The following CTNND2 variants were observed in gnomAD, a reference collection of about 807,000 sequenced individuals.
CTNND2 encodes the protein catenin delta-2.
Under a neutral mutation model 144.4 loss-of-function variants are expected in CTNND2, and 22 were observed. The ratio of observed to expected loss-of-function variants is 0.15; its 90% CI spans 0.11 to 0.22. The LOEUF (loss-of-function observed/expected upper bound fraction) is 0.22. CTNND2 is among the 10% of genes least tolerant of loss of function. The pLI is 1.00. For missense variants in CTNND2, 1,353 were observed against 1,618.8 expected, an observed-to-expected ratio of 0.84 and a Z score of 2.82; for synonymous variants, 751 against 695.6, an observed-to-expected ratio of 1.08 and a Z score of -1.25.
At chr5:11,744,581 G>A (rs919154522) in intron 1 of CTNND2, among the ~76,000 whole-genome samples, 2 of 152,150 alleles carry the variant, frequency 1.3e-5, no homozygotes, top group African/African-American at 4.8e-5. Context: ...GGGCTGAGAT[G>A]CAGGGAGCAC....
intron 1 of CTNND2, among the ~76,000 whole-genome samples, chr5:11,893,128 ATAT>A (rs1300455443): frequency 1.3e-5 from 2 of 152,190 alleles, no homozygotes; most frequent in African/African-American, 2.4e-5. Flanking sequence ...ATATAAACTC[ATAT>A]TATTACTCTG....
At chr5:11,261,161 A>G (rs146730387) in intron 9 of CTNND2, among the ~76,000 whole-genome samples, 65 of 152,240 alleles carry the variant, frequency 4.3e-4, no homozygotes, top group African/African-American at 1.5e-3. Flanking sequence ...TACTCTAACA[A>G]AAACTAAAAA....
chr5:10,988,603 C>A lies in CTNND2; in HGVS notation c.3212-361G>T, dbSNP rs1377287109. On this transcript the variant is annotated intron_variant, in intron 19 of 21. Coordinates refer to ENST00000304623, the MANE Select transcript of CTNND2 (RefSeq NM_001332.4). The surrounding 1 kb of genome is among the most constrained non-coding windows in gnomAD (Gnocchi z 5.9). ...CTTTTGGTTTCTTCCTTTCTCTTCT[C>A]TTTTCCTTCCCTTTCCTTCCCGTGC... Among the ~76,000 whole-genome samples the A allele has an allele frequency of 1.3e-5, 2 of 152,142 alleles. No individual in the cohort carries two copies. Among genetic ancestry groups the A allele is most frequent in the Non-Finnish European group, 2.9e-5 (2 of 68,032 alleles).
intron 3 of CTNND2, among the ~76,000 whole-genome samples, chr5:11,485,154 T>C (rs1768675963): frequency 6.6e-6 from 1 of 152,172 alleles, no homozygotes; most frequent in African/African-American, 2.4e-5. Flanking sequence ...GCATCAAATA[T>C]TATAATATGC....
chr5:11,078,891 G>A (rs1462783367), intron 16 of CTNND2, among the ~76,000 whole-genome samples: 1 of 152,180 alleles, frequency 6.6e-6, no homozygotes, highest in Non-Finnish European at 1.5e-5. Flanking sequence ...TGCAAACTAA[G>A]TGTAAATAGC....
At chr5:11,009,068 G>T (rs538226495) in intron 18 of CTNND2, among the ~76,000 whole-genome samples, 3 of 152,184 alleles carry the variant, frequency 2.0e-5, no homozygotes, top group Non-Finnish European at 2.9e-5. Context: ...CTTCCAAAAT[G>T]ACAAAAGCTA....
In CTNND2 at chr5:11,515,416, T is replaced by G. The variant is rs137987703; in HGVS notation, c.287+49528A>C. Among the ~76,000 whole-genome samples the G allele has an allele frequency of 4.1e-3, 628 of 152,332 alleles. 5 individuals carry two copies. Among genetic ancestry groups the G allele is most frequent in the African/African-American group, 0.014 (599 of 41,576 alleles). ...ATGGAGATTCCGTTTAGGATGTATT[T>G]TTCCCAGCAGTGCCTCCACTTGACT... On this transcript the variant is annotated intron_variant, in intron 3 of 21. Transcript: ENST00000304623.
At chr5:11,412,192 T>C in intron 3 of CTNND2, 123 bp from the exon 4 acceptor site, 6 of 689,442 alleles carry the variant, frequency 8.7e-6, no homozygotes, top group Non-Finnish European at 1.6e-5. Context: ...TCCTTTCATT[T>C]CTTACTATGA....
chr5:11,564,924 G>A lies in CTNND2; in HGVS notation c.287+20C>T. 6.4e-7 allele frequency: 1 copy of A among 1,555,902 alleles called. No individual in the cohort carries two copies. The highest frequency in any genetic ancestry group is 8.9e-7 in the Non-Finnish European group (1 of 1,127,858). ...AGGGGCAACTCAAAGCACAGACAAT[G>A]AACAGAGCGGCGCTAGTACCTCATG... On this transcript the variant is annotated intron_variant, in intron 3 of 21. Transcript: ENST00000304623.
chr5:11,497,537 G>A (rs1398631959), intron 3 of CTNND2, among the ~76,000 whole-genome samples: 1 of 130,904 alleles, frequency 7.6e-6, no homozygotes, highest in Non-Finnish European at 1.6e-5. Context: ...GGCAATATGT[G>A]CAAAGGCCCT....
At chr5:11,611,392 G>T (rs1780314643) in intron 2 of CTNND2, among the ~76,000 whole-genome samples, 1 of 152,184 alleles carries the variant, frequency 6.6e-6, no homozygotes, top group African/African-American at 2.4e-5. Context: ...AGCCTTCAAA[G>T]CTTGCTTTAA....
chr5:11,662,733 T>C (rs1326427007), intron 2 of CTNND2, among the ~76,000 whole-genome samples: 1 of 152,124 alleles, frequency 6.6e-6, no homozygotes, highest in Non-Finnish European at 1.5e-5. Context: ...GAACTGCGCA[T>C]GCAAGAGATC....
chr5:11,237,096 T>C (rs930800787), intron 9 of CTNND2, among the ~76,000 whole-genome samples: 7 of 151,246 alleles, frequency 4.6e-5, no homozygotes, highest in Admixed American at 3.9e-4. Context: ...CTCAGCTCAC[T>C]GCAAGCTCCG....
intron 3 of CTNND2, among the ~76,000 whole-genome samples, chr5:11,523,616 C>G (rs2150043914): frequency 6.6e-6 from 1 of 152,348 alleles, no homozygotes; most frequent in Middle Eastern, 3.4e-3. Context: ...GAATTTACTA[C>G]AGTGACAATC....
At chr5:11,689,220 T>C (rs1224194004) in intron 2 of CTNND2, among the ~76,000 whole-genome samples, 2 of 152,188 alleles carry the variant, frequency 1.3e-5, no homozygotes, top group African/African-American at 4.8e-5. Flanking sequence ...TTAGTCTTAT[T>C]TTTTGTTTTC....
intron 16 of CTNND2, among the ~76,000 whole-genome samples, chr5:11,047,572 C>T (rs1013486732): frequency 3.9e-5 from 6 of 152,148 alleles, no homozygotes; most frequent in Admixed American, 1.3e-4. Flanking sequence ...CCGTGACTTT[C>T]GTTTATCAGC....
intron 9 of CTNND2, among the ~76,000 whole-genome samples, chr5:11,263,485 T>C (rs567782266): frequency 1.8e-4 from 28 of 152,104 alleles, no homozygotes; most frequent in Admixed American, 4.6e-4. Context: ...GGAACTATGA[T>C]TACAAATGTG....
chr5:11,794,724 C>A (rs1791310520), intron 1 of CTNND2, among the ~76,000 whole-genome samples: 1 of 152,176 alleles, frequency 6.6e-6, no homozygotes, highest in African/African-American at 2.4e-5. Flanking sequence ...TTTATACCAT[C>A]TTTTCTCCCA....
At chr5:11,487,022 GT>G (rs1387039145) in intron 3 of CTNND2, among the ~76,000 whole-genome samples, 1 of 152,000 alleles carries the variant, frequency 6.6e-6, no homozygotes, top group East Asian at 1.9e-4. Flanking sequence ...ATAAAATGAT[GT>G]TTTACCTGGT....
Sources: allele counts gnomAD v4.1 joint callset (sites outside exome capture counted in the v4.1 genomes callset), GRCh38; gene constraint gnomAD v4.1.1; non-coding constraint Gnocchi (gnomAD v3.1); transcripts MANE v1.5; gene names NCBI Gene and HGNC (gene_info 2026-07-23, HGNC 2026-07-21).